Variants in IL6ST observed in about 807,000 individuals in gnomAD.
IL6ST encodes the protein interleukin 6 cytokine family signal transducer.
IL6ST carries 24 observed loss-of-function variants against 91.3 expected under a neutral mutation model. That is an observed-to-expected ratio of 0.26 (90% CI 0.19 to 0.37). The LOEUF (loss-of-function observed/expected upper bound fraction) is 0.37. IL6ST is among the 10% of genes least tolerant of loss of function. The pLI, the probability that IL6ST is intolerant of heterozygous loss-of-function variation, is 1.00. For synonymous variants in IL6ST, 351 were observed against 373.6 expected (o/e 0.94, Z 0.70); for missense variants, 914 against 1,078.5 (o/e 0.85, Z 2.14).
chr5:55,946,884 T>C (rs200870392), intron 15 of IL6ST, among the ~76,000 whole-genome samples: 2 of 151,660 alleles, frequency 1.3e-5, no homozygotes, highest in East Asian at 3.9e-4. Context: ...GTAAAAGACA[T>C]ACGCAAAAGA....
chr5:55,944,538 T>TA (rs1187773963), intron 15 of IL6ST: 1 of 445,148 alleles, frequency 2.2e-6, no homozygotes, highest in African/African-American at 2.1e-5. Context: ...AAAAGTAAAT[T>TA]AAACAAAACC....
Position 55,980,863 on chromosome 5 carries a change from T to C in IL6ST, c.-16+1861A>G, listed in dbSNP as rs149866227. 1.3e-3 allele frequency among the ~76,000 whole-genome samples: 205 copies of C among 152,320 alleles called. No homozygotes were observed. In the East Asian group the frequency reaches 0.014, roughly 10 times the overall value. ...CTTGATTTTATGCACTCCCTAATCA[T>C]GTAACAGCTTGCCAGCATGCCCAGC... is the stretch of plus-strand genomic sequence containing the variant. On this transcript the variant is annotated intron_variant, in intron 2 of 16. Coordinates refer to ENST00000381298, the MANE Select transcript of IL6ST (RefSeq NM_002184.4).
Position 55,940,504 on chromosome 5 carries a change from T to C in IL6ST, c.*578A>G, listed in dbSNP as rs973073523. Reference sequence around the variant, plus strand: ...TAATAACTCGCAGCATCACTACCAATGGAAGGGACCTAAGGAATACCGTGT... The same window carrying C: ...TAATAACTCGCAGCATCACTACCAACGGAAGGGACCTAAGGAATACCGTGT... On this transcript the variant is annotated 3_prime_UTR_variant, in exon 17 of 17. Transcript: ENST00000381298. The C allele has an allele frequency of 1.9e-5, 4 of 213,406 alleles. No homozygotes were observed. The highest frequency in any genetic ancestry group is 4.5e-5 in the African/African-American group (2 of 44,350). The allele number at this position is 213,406 out of a possible 1,614,324, so 13.2% of individuals were successfully genotyped here.
intron 8 of IL6ST, among the ~76,000 whole-genome samples, chr5:55,958,720 TCCC>T (rs1752127815): frequency 6.6e-6 from 1 of 151,630 alleles, no homozygotes; most frequent in Non-Finnish European, 1.5e-5. Flanking sequence ...GTGCCTATAG[TCCC>T]AGCTATGTTG....
chr5:55,986,619 T>C (rs1321688177), intron 1 of IL6ST, among the ~76,000 whole-genome samples: 1 of 152,246 alleles, frequency 6.6e-6, no homozygotes, highest in Non-Finnish European at 1.5e-5. Flanking sequence ...GTTTTCTTCT[T>C]GACTGTTCTT....
At chr5:55,992,251 G>A (rs932651997) in intron 1 of IL6ST, among the ~76,000 whole-genome samples, 1 of 152,164 alleles carries the variant, frequency 6.6e-6, no homozygotes, top group African/African-American at 2.4e-5. Flanking sequence ...GAGGCACCTG[G>A]TGGACAATTA....
intron 8 of IL6ST, among the ~76,000 whole-genome samples, chr5:55,958,312 C>T (rs1752106394): frequency 6.6e-6 from 1 of 151,940 alleles, no homozygotes. Flanking sequence ...TTAAAAATAC[C>T]TGTAGTATTA....
intron 1 of IL6ST, among the ~76,000 whole-genome samples, chr5:55,989,204 T>C (rs1478458297): frequency 2.0e-5 from 3 of 147,316 alleles, no homozygotes; most frequent in Admixed American, 6.7e-5. Flanking sequence ...ATAGCACTGA[T>C]TGGCAAATGA....
chr5:55,980,565 T>C (rs1171953722), intron 2 of IL6ST, among the ~76,000 whole-genome samples: 1 of 151,942 alleles, frequency 6.6e-6, no homozygotes, highest in African/African-American at 2.4e-5. Flanking sequence ...ATAAATAAAA[T>C]AAATAAATAC....
intron 1 of IL6ST, among the ~76,000 whole-genome samples, chr5:55,988,493 G>A (rs760108681): frequency 2.1e-4 from 32 of 151,426 alleles, no homozygotes; most frequent in South Asian, 4.2e-4. Context: ...TCCAGCTGGC[G>A]CGGTGGCTCA....
rs776052582 is a variant in IL6ST, at chr5:55,947,489, T to C, written c.1937+4A>G. ...AATGCAAAAATATGAATAAAGTTAC[T>C]TACAGGTCTCGCTTATTAAAGCAGA... On this transcript the variant is annotated splice_donor_region_variant and intron_variant, in intron 15 of 16. Transcript: ENST00000381298. 1.3e-6 allele frequency: 2 copies of C among 1,502,860 alleles called. No individual in the cohort carries two copies. The highest frequency in any genetic ancestry group is 2.0e-5 in the Admixed American group (1 of 48,862). 93.1% of individuals were successfully genotyped at this position (1,502,860 alleles called of 1,614,324 possible). A position where few individuals can be genotyped will look rare whatever the true frequency, so the allele number is the denominator to read the frequency against.
At position 55,935,683 on chromosome 5, in the gene IL6ST, G is replaced by A. The variant is rs1750474956; in HGVS notation, c.*5399C>T. ...ACTCCATTAACTTGCCCAAGCACTG[G>A]ACTTAAGTATGGAAGAGCCTATACG... On this transcript the variant is annotated 3_prime_UTR_variant, in exon 17 of 17. Transcript: ENST00000381298. 1 of 219,238 alleles carries A rather than the reference G, an allele frequency of 4.6e-6. No individual in the cohort carries two copies. The highest frequency in any genetic ancestry group is 2.2e-5 in the African/African-American group (1 of 44,532). The allele number at this position is 219,238 out of a possible 1,614,324, so 13.6% of individuals were successfully genotyped here.
chr5:55,947,206 G>C (rs1751321733), intron 15 of IL6ST, among the ~76,000 whole-genome samples: 1 of 152,030 alleles, frequency 6.6e-6, no homozygotes, highest in Admixed American at 6.6e-5. Context: ...TCTCAAAATA[G>C]ATAGATAAAT....
At chr5:55,947,863 G>A (rs911802381) in intron 14 of IL6ST, among the ~76,000 whole-genome samples, 5 of 152,038 alleles carry the variant, frequency 3.3e-5, no homozygotes, top group African/African-American at 1.2e-4. Flanking sequence ...TCAGTGTATC[G>A]GGTAATCTAC....
intron 15 of IL6ST, among the ~76,000 whole-genome samples, chr5:55,946,180 G>A (rs547860090): frequency 1.6e-4 from 24 of 152,210 alleles, no homozygotes; most frequent in Non-Finnish European, 1.8e-4. Context: ...AAATTAAAAC[G>A]ATATAGTACT....
chr5:55,976,327 T>C lies in IL6ST; in HGVS notation c.-15-34A>G, dbSNP rs369036454. 1.3e-4 allele frequency: 163 copies of C among 1,253,376 alleles called. No individual in the cohort carries two copies. In the African/African-American group the frequency reaches 2.4e-3, roughly 18 times the overall value. 77.6% of individuals were successfully genotyped at this position (1,253,376 alleles called of 1,614,324 possible). A position where few individuals can be genotyped will look rare whatever the true frequency, so the allele number is the denominator to read the frequency against. ...GACACATGTAATATTACTTTTAATA[T>C]TTTTTCTCTTATATACACATAATTT... On this transcript the variant is annotated intron_variant, in intron 2 of 16. Coordinates refer to ENST00000381298, the MANE Select transcript of IL6ST (RefSeq NM_002184.4).
chr5:55,975,407 T>C (rs1014990615), intron 3 of IL6ST, among the ~76,000 whole-genome samples: 4 of 152,054 alleles, frequency 2.6e-5, no homozygotes, highest in African/African-American at 9.7e-5. Flanking sequence ...TCCCAAAGCC[T>C]CCCCAGAAGC....
rs1009531287 is a variant in IL6ST at position 55,964,497 on chromosome 5, T to C, written c.492-185A>G. ...TCTTTAAAATTAACTTTGATCTATA[T>C]CTTAAAACATAAAATTATTTTCAAA... is the stretch of plus-strand genomic sequence containing the variant. On this transcript the variant is annotated intron_variant, in intron 5 of 16. Coordinates refer to ENST00000381298, the MANE Select transcript of IL6ST (RefSeq NM_002184.4). Among the ~76,000 whole-genome samples, 5 of 152,324 alleles carry C rather than the reference T, an allele frequency of 3.3e-5. No homozygotes were observed. In the South Asian group the frequency reaches 6.2e-4, roughly 19 times the overall value.
chr5:55,993,068 G>A (rs1198605613), intron 1 of IL6ST, among the ~76,000 whole-genome samples: 1 of 152,154 alleles, frequency 6.6e-6, no homozygotes, highest in Non-Finnish European at 1.5e-5. Flanking sequence ...AAGAAACGGA[G>A]AAGCTGTGAG....
Sources: allele counts gnomAD v4.1 joint callset (sites outside exome capture counted in the v4.1 genomes callset), GRCh38; gene constraint gnomAD v4.1.1; transcripts MANE v1.5; gene names NCBI Gene and HGNC (gene_info 2026-07-23, HGNC 2026-07-21).